Variants in FXR1 observed in about 807,000 individuals in gnomAD.
The protein encoded by FXR1 is RNA-binding protein FXR1.
A neutral mutation model predicts 84.0 loss-of-function variants in FXR1; 15 were observed. That is an observed-to-expected ratio of 0.18 (90% CI 0.12 to 0.27). The LOEUF (loss-of-function observed/expected upper bound fraction) is 0.27. FXR1 is among the 10% of genes least tolerant of loss of function. The pLI is 1.00. For missense variants in FXR1, 480 were observed against 774.4 expected (o/e 0.62, Z 4.51); for synonymous variants, 245 against 250.7 (o/e 0.98, Z 0.21).
intron 1 of FXR1, 49 bp from the exon 2 acceptor site, chr3:180,933,285 A>G: frequency 9.2e-7 from 1 of 1,086,718 alleles, no homozygotes; most frequent in Non-Finnish European, 1.4e-6. Flanking sequence ...TTTTAGAGTT[A>G]CGAAGTGCTT....
intron 8 of FXR1, 145 bp from the exon 9 acceptor site, chr3:180,953,617 A>C (rs904577770): frequency 2.4e-5 from 12 of 509,066 alleles, no homozygotes; most frequent in Non-Finnish European, 3.9e-5. Flanking sequence ...ACTTCACCTG[A>C]AATCTCTCCC....
Position 180,957,862 on chromosome 3 carries a change from G to A in FXR1, c.924G>A (p.Val308=). ...ATGGCAAAGTTATTCAAGAAATAGTGGACAAATCTGGTGTGGTTCGAGTGA... is the reference window on the plus strand; with the variant it reads ...ATGGCAAAGTTATTCAAGAAATAGTAGACAAATCTGGTGTGGTTCGAGTGA... ...GKNGKVIQEI[V]DKSGVVRVRI... Residue 308 remains valine (V), a synonymous_variant, in exon 10 of 17, where the codon GTG becomes GTA. Coordinates refer to ENST00000357559, the MANE Select transcript of FXR1 (RefSeq NM_005087.4). The A allele has an allele frequency of 6.3e-7, 1 of 1,587,308 alleles. No homozygotes were observed. Among genetic ancestry groups the A allele is most frequent in the Non-Finnish European group, 8.6e-7 (1 of 1,160,754 alleles).
intron 7 of FXR1, among the ~76,000 whole-genome samples, 179 bp from the exon 8 acceptor site, chr3:180,951,119 A>T (rs1722195824): frequency 6.6e-6 from 1 of 151,780 alleles, no homozygotes; most frequent in African/African-American, 2.4e-5. Flanking sequence ...ACTATTCAGG[A>T]GGCTGAAGTG....
chr3:180,938,509 G>A (rs1224445593), intron 3 of FXR1, among the ~76,000 whole-genome samples: 1 of 152,038 alleles, frequency 6.6e-6, no homozygotes, highest in Non-Finnish European at 1.5e-5. Context: ...AGTTTTTGGT[G>A]TAGGAAGTCC....
chr3:180,974,039 T>C (rs1298293535), intron 15 of FXR1, among the ~76,000 whole-genome samples: 2 of 152,144 alleles, frequency 1.3e-5, no homozygotes, highest in African/African-American at 4.8e-5. Flanking sequence ...TAATTTAAAG[T>C]ATATATTGTA....
intron 1 of FXR1, among the ~76,000 whole-genome samples, chr3:180,924,814 A>G (rs1264997205): frequency 6.6e-6 from 1 of 152,116 alleles, no homozygotes; most frequent in Non-Finnish European, 1.5e-5. Context: ...CATTATACCT[A>G]AAACAGCATC....
chr3:180,959,273 T>A (rs780539578), intron 10 of FXR1, among the ~76,000 whole-genome samples: 1 of 152,176 alleles, frequency 6.6e-6, no homozygotes, highest in Non-Finnish European at 1.5e-5. Flanking sequence ...GTTGATGATG[T>A]TTTGTCTCCT....
chr3:180,961,339 C>CAAAAA lies in FXR1; in HGVS notation c.991-105_991-101dup, dbSNP rs34386869. 3.3e-4 allele frequency: 96 copies of CAAAAA among 291,134 alleles called. 1 individual carries two copies. The highest frequency in any genetic ancestry group is 7.2e-4 in the South Asian group (22 of 30,664). 18.0% of individuals were successfully genotyped at this position (291,134 alleles called of 1,614,324 possible). ...TGGGCAACAGAGCAAGACGTCATCT[C>CAAAAA]AAAAAAAAAAAAAAAAAAAAAAAAA... On this transcript the variant is annotated intron_variant, in intron 10 of 16. Coordinates refer to ENST00000357559, the MANE Select transcript of FXR1 (RefSeq NM_005087.4).
chr3:180,929,629 A>G (rs942702881), intron 1 of FXR1, among the ~76,000 whole-genome samples: 1 of 152,260 alleles, frequency 6.6e-6, no homozygotes, highest in Non-Finnish European at 1.5e-5. Context: ...TGCCATGTGC[A>G]GACAAATGTG....
Position 180,968,120 on chromosome 3 carries a change from C to T in FXR1, c.1268C>T (p.Ser423Leu). Residue 423 changes from serine to leucine, a missense_variant, in exon 14 of 17, where the codon TCA becomes TTA. Physicochemically the swap from Ser to Leu is moderately radical, Grantham distance 145. This residue lies in a region of FXR1 where 157 missense variants were observed against 227.8 expected (regional missense o/e 0.69). Coordinates refer to ENST00000357559, the MANE Select transcript of FXR1 (RefSeq NM_005087.4). ...CGTAAAGACGAGCTGAGTGATTGGT[C>T]ATTGGCAGGAGAAGATGATCGAGAC... Reference protein sequence around the residue: ...SERKDELSDWSLAGEDDRDSR... With the variant: ...SERKDELSDWLLAGEDDRDSR... The T allele has an allele frequency of 6.2e-7, 1 of 1,613,344 alleles. No individual in the cohort carries two copies. Among genetic ancestry groups the T allele is most frequent in the Non-Finnish European group, 8.5e-7 (1 of 1,179,362 alleles).
At chr3:180,933,717 T>G (rs956740433) in intron 2 of FXR1, among the ~76,000 whole-genome samples, 1 of 152,172 alleles carries the variant, frequency 6.6e-6, no homozygotes, top group African/African-American at 2.4e-5. Context: ...AGTTGACTAC[T>G]GGTCATCAGA....
chr3:180,921,070 A>G (rs1718527919), intron 1 of FXR1, among the ~76,000 whole-genome samples: 3 of 151,890 alleles, frequency 2.0e-5, no homozygotes, highest in African/African-American at 7.3e-5. Context: ...TTTTCTTATT[A>G]GAGCTTACTC....
rs57731098 is a variant in FXR1, at chr3:180,931,026, CAAA to C, written c.52-2289_52-2287del. On this transcript the variant is annotated intron_variant, in intron 1 of 16. Coordinates refer to ENST00000357559, the MANE Select transcript of FXR1 (RefSeq NM_005087.4). ...CCTGGGCAACAGAGCGAGACTGCCT[CAAA>C]AAAAAAAAAAAAAAAAAAGACGTGA... is the stretch of plus-strand genomic sequence containing the variant. Among the ~76,000 whole-genome samples, 268 of 55,608 alleles carry C rather than the reference CAAA, an allele frequency of 4.8e-3. 1 individual carries two copies. Among genetic ancestry groups the C allele is most frequent in the African/African-American group, 9.7e-3 (162 of 16,722 alleles). 36.5% of individuals were successfully genotyped at this position (55,608 alleles called of 152,430 possible).
At position 180,976,186 on chromosome 3, in the gene FXR1, C is replaced by T; in HGVS notation, c.1760C>T (p.Ser587Phe). The change falls in exon 17 of 17, where the codon TCT becomes TTT. Residue 587 changes from serine to phenylalanine, a missense_variant. By Grantham distance (155) the Ser-to-Phe change is radical (BLOSUM62 -2). Coordinates refer to ENST00000357559, the MANE Select transcript of FXR1 (RefSeq NM_005087.4). ...EKAINGPTSA[S>F]GDDISKLQRT... ...GCAATAAACGGCCCAACTAGTGCTT[C>T]TGGCGATGACATTTCTAAGCTACAG... The T allele has an allele frequency of 1.2e-6, 2 of 1,612,914 alleles. No homozygotes were observed. Among genetic ancestry groups the T allele is most frequent in the Non-Finnish European group, 1.7e-6 (2 of 1,178,992 alleles).
intron 9 of FXR1, among the ~76,000 whole-genome samples, chr3:180,955,889 G>A (rs1217465755): frequency 1.3e-5 from 2 of 152,124 alleles, no homozygotes; most frequent in African/African-American, 2.4e-5. Context: ...TCCTGTCTAC[G>A]TTGGCTTTGG....
At position 180,961,447 on chromosome 3, in the gene FXR1, CTTTT is replaced by C; in HGVS notation, c.991-10_991-7del. 2 of 1,039,098 alleles carry C rather than the reference CTTTT, an allele frequency of 1.9e-6. No homozygotes were observed. The highest frequency in any genetic ancestry group is 1.5e-5 in the South Asian group (1 of 68,154). The allele number at this position is 1,039,098 out of a possible 1,614,324, so 64.4% of individuals were successfully genotyped here. A position where few individuals can be genotyped will look rare whatever the true frequency, so the allele number is the denominator to read the frequency against. The stretch of plus-strand genomic sequence containing the variant: ...TTGTTAAAATATTAAACACTGAATA[CTTTT>C]TTTTTTTTTTAAACAGGGTATGGTT... On this transcript the variant is annotated splice_polypyrimidine_tract_variant and intron_variant, in intron 10 of 16. Coordinates refer to ENST00000357559, the MANE Select transcript of FXR1 (RefSeq NM_005087.4).
chr3:180,934,190 A>G (rs1479198342), intron 2 of FXR1, among the ~76,000 whole-genome samples: 1 of 152,188 alleles, frequency 6.6e-6, no homozygotes, highest in Non-Finnish European at 1.5e-5. Flanking sequence ...GAATTGCCTG[A>G]AAAGATCTTT....
chr3:180,920,806 C>T (rs761101245), intron 1 of FXR1, among the ~76,000 whole-genome samples: 7 of 152,116 alleles, frequency 4.6e-5, no homozygotes, highest in African/African-American at 1.4e-4. Flanking sequence ...CCACCATGCC[C>T]GGCCCAGAAT....
rs753250020 is a variant in FXR1, at chr3:180,970,362, T to G, written c.1603+4T>G. 24 of 1,092,956 alleles carry G rather than the reference T, an allele frequency of 2.2e-5. No individual in the cohort carries two copies. The highest frequency in any genetic ancestry group is 5.3e-5 in the Admixed American group (3 of 56,222). 67.7% of individuals were successfully genotyped at this position (1,092,956 alleles called of 1,614,324 possible). On this transcript the variant is annotated splice_donor_region_variant and intron_variant, in intron 15 of 16. Transcript: ENST00000357559. ...TCAGTTAATGAAAATGGGCTAGGTA[T>G]GTAAGCACTTAGGGAAGAGAAATAT...
Sources: allele counts gnomAD v4.1 joint callset (sites outside exome capture counted in the v4.1 genomes callset), GRCh38; gene constraint gnomAD v4.1.1; regional missense constraint gnomAD v4.1.1; transcripts MANE v1.5; gene names NCBI Gene and HGNC (gene_info 2026-07-23, HGNC 2026-07-21).